The following DENND1B variants were observed in gnomAD, a reference collection of about 807,000 sequenced individuals.
The protein encoded by DENND1B is DENN domain containing 1B.
A neutral mutation model predicts 90.1 loss-of-function variants in DENND1B; 59 were observed. That is an observed-to-expected ratio of 0.65 (90% CI 0.53 to 0.81). DENND1B has a LOEUF of 0.81. Ranked by LOEUF, DENND1B falls within the 40% of genes least tolerant of loss-of-function variation. DENND1B has a pLI of 0.00. For synonymous variants in DENND1B, 337 were observed against 324.6 expected, an observed-to-expected ratio of 1.04 and a Z score of -0.41; for missense variants, 862 against 912.6, an observed-to-expected ratio of 0.94 and a Z score of 0.71.
chr1:197,548,438 T>G (rs987797472), intron 16 of DENND1B, among the ~76,000 whole-genome samples: 1 of 152,186 alleles, frequency 6.6e-6, no homozygotes, highest in Admixed American at 6.6e-5. Flanking sequence ...TAATAGTCAT[T>G]GTCCTTCAGG....
intron 2 of DENND1B, among the ~76,000 whole-genome samples, chr1:197,766,153 T>C (rs1193680352): frequency 6.6e-6 from 1 of 152,216 alleles, no homozygotes; most frequent in Non-Finnish European, 1.5e-5. Context: ...CAGCCTGGTC[T>C]TGATCTTCTG....
intron 3 of DENND1B, among the ~76,000 whole-genome samples, chr1:197,693,667 G>T (rs1658138549): frequency 6.6e-6 from 1 of 151,602 alleles, no homozygotes; most frequent in African/African-American, 2.4e-5. Context: ...AGCTGGGAAT[G>T]AAAGATTTCA....
At chr1:197,759,393 G>A (rs950849391) in intron 2 of DENND1B, among the ~76,000 whole-genome samples, 2 of 150,268 alleles carry the variant, frequency 1.3e-5, no homozygotes, top group African/African-American at 4.9e-5. Context: ...ACATTTTAAA[G>A]TAACATAAAA....
intron 15 of DENND1B, among the ~76,000 whole-genome samples, chr1:197,565,018 G>A (rs186458733): frequency 2.6e-5 from 4 of 151,850 alleles, no homozygotes; most frequent in Non-Finnish European, 5.9e-5. Context: ...ATTTTTTCAT[G>A]TTATAAAATA....
chr1:197,701,389 T>C (rs141263972), intron 3 of DENND1B, among the ~76,000 whole-genome samples: 10 of 152,016 alleles, frequency 6.6e-5, no homozygotes, highest in East Asian at 1.9e-4. Flanking sequence ...TGAGAATACA[T>C]GGATACAGAA....
Position 197,510,315 on chromosome 1 carries a change from T to A in DENND1B, c.*145A>T, listed in dbSNP as rs1387004456. On this transcript the variant is annotated 3_prime_UTR_variant, in exon 23 of 23. Transcript: ENST00000620048. ...TTTAAAAATCAATGCATTTCATATA[T>A]CCTCGAAATGAACAAGTGAGAAAAA... 1 of 895,170 alleles carries A rather than the reference T, an allele frequency of 1.1e-6. No homozygotes were observed. Among genetic ancestry groups the A allele is most frequent in the African/African-American group, 1.7e-5 (1 of 58,902 alleles). The allele number at this position is 895,170 out of a possible 1,614,324, so 55.5% of individuals were successfully genotyped here. A position where few individuals can be genotyped will look rare whatever the true frequency, so the allele number is the denominator to read the frequency against.
intron 10 of DENND1B, among the ~76,000 whole-genome samples, chr1:197,632,315 T>C (rs563042176): frequency 7.9e-5 from 12 of 152,150 alleles, no homozygotes; most frequent in African/African-American, 2.9e-4. Flanking sequence ...TATCCCCAGA[T>C]AGATTTTGTA....
chr1:197,679,424 T>C (rs1013592642), intron 3 of DENND1B, among the ~76,000 whole-genome samples: 5 of 151,576 alleles, frequency 3.3e-5, no homozygotes, highest in African/African-American at 9.7e-5. Context: ...GCATTTACAC[T>C]GTATTAGATA....
chr1:197,775,828 C>CA (rs1657235168), upstream of DENND1B: 1 of 152,310 alleles, frequency 6.6e-6, no homozygotes, highest in Non-Finnish European at 1.5e-5. Context: ...CACACATACA[C>CA]ACGGACTTGG....
At chr1:197,681,210 G>A (rs1558395142) in intron 3 of DENND1B, among the ~76,000 whole-genome samples, 1 of 152,004 alleles carries the variant, frequency 6.6e-6, no homozygotes. Context: ...AAGTAGGTAT[G>A]GATATAGATA....
chr1:197,516,128 A>G (rs1166107238), intron 20 of DENND1B, among the ~76,000 whole-genome samples: 1 of 151,888 alleles, frequency 6.6e-6, no homozygotes, highest in East Asian at 1.9e-4. Context: ...AGTATATCTT[A>G]TGATAAGTTT....
chr1:197,743,023 A>AC (rs1157527969), intron 2 of DENND1B, among the ~76,000 whole-genome samples: 1 of 152,146 alleles, frequency 6.6e-6, no homozygotes, highest in Non-Finnish European at 1.5e-5. Flanking sequence ...CTCTCACTTC[A>AC]CTTCACTTCT....
intron 1 of DENND1B, 100 bp downstream of exon 1, chr1:197,775,038 CG>C: frequency 1.2e-6 from 1 of 856,838 alleles, no homozygotes; most frequent in Non-Finnish European, 1.5e-6. Flanking sequence ...CTCGGCCGCC[CG>C]GGGAGCCGGT....
chr1:197,767,874 G>A (rs184159066), intron 2 of DENND1B, among the ~76,000 whole-genome samples: 9 of 152,158 alleles, frequency 5.9e-5, no homozygotes, highest in East Asian at 3.9e-4. Context: ...ATATTTCCTC[G>A]CATGATAAAA....
chr1:197,659,391 G>A (rs1351457348), intron 5 of DENND1B, among the ~76,000 whole-genome samples: 2 of 151,562 alleles, frequency 1.3e-5, no homozygotes, highest in Non-Finnish European at 3.0e-5. Context: ...GAGGAATTTA[G>A]GTAAACTACA....
chr1:197,525,244 T>A (rs1669060666), intron 20 of DENND1B, among the ~76,000 whole-genome samples: 1 of 152,286 alleles, frequency 6.6e-6, no homozygotes, highest in African/African-American at 2.4e-5. Flanking sequence ...AAATACATTG[T>A]TTCATTATTT....
At chr1:197,723,958 T>C (rs558621712) in intron 2 of DENND1B, among the ~76,000 whole-genome samples, 1 of 152,280 alleles carries the variant, frequency 6.6e-6, no homozygotes, top group South Asian at 2.1e-4. Context: ...AATGTAAAAT[T>C]AACTGAACTG....
chr1:197,606,800 GA>G (rs1676723688), intron 13 of DENND1B: 1 of 283,886 alleles, frequency 3.5e-6, no homozygotes, highest in Non-Finnish European at 6.5e-6. Context: ...ATGAGATGAA[GA>G]GACTTAGGTT....
intron 15 of DENND1B, among the ~76,000 whole-genome samples, chr1:197,559,182 T>C (rs1344716325): frequency 6.6e-6 from 1 of 151,992 alleles, no homozygotes; most frequent in Non-Finnish European, 1.5e-5. Context: ...TCTAATTCCC[T>C]TAGTGGTCTA....
Sources: allele counts gnomAD v4.1 joint callset (sites outside exome capture counted in the v4.1 genomes callset), GRCh38; gene constraint gnomAD v4.1.1; transcripts MANE v1.5; gene names NCBI Gene and HGNC (gene_info 2026-07-23, HGNC 2026-07-21).